IQCH: variants seen among roughly 807,000 people sequenced by gnomAD.
IQCH encodes the protein IQ motif containing H.
IQCH carries 98 observed loss-of-function variants against 117.0 expected under a neutral mutation model. The observed-to-expected ratio is 0.84, with a 90% confidence interval of 0.71 to 0.99. IQCH has a LOEUF of 0.99. Among genes scored for constraint, IQCH ranks in the 50% least tolerant of loss-of-function variants. The pLI, the probability that IQCH is intolerant of heterozygous loss-of-function variation, is 0.00. For synonymous variants in IQCH, 412 were observed against 448.2 expected, an observed-to-expected ratio of 0.92 and a Z score of 1.02; for missense variants, 1,102 against 1,243.8, an observed-to-expected ratio of 0.89 and a Z score of 1.72.
intron 1 of IQCH, 200 bp downstream of exon 1, chr15:67,255,147 A>T: frequency 1.6e-6 from 1 of 612,440 alleles, no homozygotes; most frequent in Non-Finnish European, 3.0e-6. Context: ...CCTGTAGGTT[A>T]CGCCCCAGAA....
intron 4 of IQCH, among the ~76,000 whole-genome samples, chr15:67,330,092 A>G (rs766895235): frequency 2.0e-5 from 3 of 151,908 alleles, no homozygotes; most frequent in Non-Finnish European, 4.4e-5. Context: ...TCCCACCATC[A>G]TGTCTTTATT....
chr15:67,451,461 C>A (rs997542298), intron 16 of IQCH, among the ~76,000 whole-genome samples: 15 of 152,070 alleles, frequency 9.9e-5, no homozygotes, highest in African/African-American at 3.6e-4. Context: ...ATCTTTATTT[C>A]TGCCTTCATT....
intron 10 of IQCH, among the ~76,000 whole-genome samples, chr15:67,374,693 G>T (rs1378651197): frequency 6.6e-6 from 1 of 152,150 alleles, no homozygotes; most frequent in Non-Finnish European, 1.5e-5. Flanking sequence ...GGATCTAAGT[G>T]AGGTATAGGA....
intron 16 of IQCH, among the ~76,000 whole-genome samples, chr15:67,444,313 G>A (rs1345213093): frequency 6.6e-6 from 1 of 152,198 alleles, no homozygotes; most frequent in African/African-American, 2.4e-5. Flanking sequence ...GAGTTTAAAT[G>A]TGCAGCCCAT....
intron 3 of IQCH, among the ~76,000 whole-genome samples, chr15:67,277,710 T>G (rs1418040519): frequency 2.0e-5 from 3 of 152,156 alleles, no homozygotes; most frequent in South Asian, 2.1e-4. Flanking sequence ...ATTTTTTGTA[T>G]TTTTAGTACA....
chr15:67,476,861 A>G lies in IQCH; in HGVS notation c.2799+1043A>G, dbSNP rs116763169. 5.8e-3 allele frequency among the ~76,000 whole-genome samples: 877 copies of G among 152,240 alleles called. 5 individuals carry two copies. Among genetic ancestry groups the G allele is most frequent in the African/African-American group, 0.018 (754 of 41,538 alleles). On this transcript the variant is annotated intron_variant, in intron 18 of 20. Transcript: ENST00000335894. The surrounding 1 kb of genome is among the most constrained non-coding windows in gnomAD (Gnocchi z 4.1). ...TACAGCACCTCAAACATCTTAAAAT[A>G]TATTCATCTCCCACATTAAATATAA... is the stretch of plus-strand genomic sequence containing the variant.
chr15:67,460,342 A>C (rs1054389066), intron 16 of IQCH, among the ~76,000 whole-genome samples: 1 of 152,184 alleles, frequency 6.6e-6, no homozygotes, highest in African/African-American at 2.4e-5. Flanking sequence ...TTATATTCTC[A>C]TCTAGTCTTT....
At position 67,443,406 on chromosome 15, in the gene IQCH, T is replaced by C. The variant is rs1407320244; in HGVS notation, c.2506-21721T>C. On this transcript the variant is annotated intron_variant, in intron 16 of 20. Coordinates refer to ENST00000335894, the MANE Select transcript of IQCH (RefSeq NM_001031715.3). The surrounding 1 kb of genome is among the most constrained non-coding windows in gnomAD (Gnocchi z 5.0). ...ATTCAAAGGCATAAGAATGATACAA[T>C]CGACTTTGGGGACTTGGGGGAAAGA... 6.6e-6 allele frequency among the ~76,000 whole-genome samples: 1 copy of C among 151,942 alleles called. No individual in the cohort carries two copies. The highest frequency in any genetic ancestry group is 1.9e-4 in the East Asian group (1 of 5,190).
chr15:67,497,012 G>A lies in IQCH; in HGVS notation c.2970+2646G>A, dbSNP rs1465635511. ...CGCAGTCCGGCCTGGGCGACAGAGC[G>A]AGACTCCGTCTCAAAAAAAAAAAAA... On this transcript the variant is annotated intron_variant, in intron 20 of 20. Coordinates refer to ENST00000335894, the MANE Select transcript of IQCH (RefSeq NM_001031715.3). 1.3e-4 allele frequency among the ~76,000 whole-genome samples: 16 copies of A among 125,616 alleles called. No homozygotes were observed. In the South Asian group the frequency reaches 1.9e-3, roughly 15 times the overall value. 82.4% of individuals were successfully genotyped at this position (125,616 alleles called of 152,430 possible).
intron 16 of IQCH, among the ~76,000 whole-genome samples, chr15:67,438,022 C>T (rs1051553529): frequency 2.6e-5 from 4 of 152,122 alleles, no homozygotes; most frequent in Non-Finnish European, 4.4e-5. Context: ...GAGACCTAGA[C>T]ATTCAAATAC....
chr15:67,377,710 C>A (rs1322893239), intron 10 of IQCH, among the ~76,000 whole-genome samples: 7 of 152,130 alleles, frequency 4.6e-5, no homozygotes, highest in Non-Finnish European at 1.0e-4. Context: ...CCACTGCCAG[C>A]CAATTAAACC....
At chr15:67,460,785 G>A (rs867381791) in intron 16 of IQCH, among the ~76,000 whole-genome samples, 7 of 152,200 alleles carry the variant, frequency 4.6e-5, no homozygotes, top group South Asian at 2.1e-4. Context: ...CACCACAGTC[G>A]CTCCATTTAT....
In IQCH at chr15:67,458,970, A is replaced by G. The variant is rs1221780791; in HGVS notation, c.2506-6157A>G. On this transcript the variant is annotated intron_variant, in intron 16 of 20. Transcript: ENST00000335894. The surrounding 1 kb of genome is among the most constrained non-coding windows in gnomAD (Gnocchi z 4.1). Reference sequence around the variant, plus strand: ...CCTGTCTTTTTAAAAATTTTCGGCAATATGATAAATATACACAATTCCCTG... The same window carrying G: ...CCTGTCTTTTTAAAAATTTTCGGCAGTATGATAAATATACACAATTCCCTG... 6.6e-6 allele frequency among the ~76,000 whole-genome samples: 1 copy of G among 152,224 alleles called. No individual in the cohort carries two copies. Among genetic ancestry groups the G allele is most frequent in the Non-Finnish European group, 1.5e-5 (1 of 68,042 alleles).
At chr15:67,448,455 A>G (rs1469904228) in intron 16 of IQCH, among the ~76,000 whole-genome samples, 3 of 137,340 alleles carry the variant, frequency 2.2e-5, no homozygotes, top group Non-Finnish European at 4.5e-5. Flanking sequence ...ATTCCCACCT[A>G]TGAGTGAGAA....
At chr15:67,323,691 G>A (rs1261023052) in intron 4 of IQCH, among the ~76,000 whole-genome samples, 1 of 151,676 alleles carries the variant, frequency 6.6e-6, no homozygotes, top group African/African-American at 2.4e-5. Context: ...AGTTAATATT[G>A]CACCAGTTCA....
intron 6 of IQCH, among the ~76,000 whole-genome samples, chr15:67,353,787 AT>A (rs2140724151): frequency 6.6e-6 from 1 of 152,346 alleles, no homozygotes; most frequent in South Asian, 2.1e-4. Flanking sequence ...ATACAGTAGA[AT>A]TTTTAAAAAA....
rs776111763 is a variant in IQCH, at chr15:67,400,491, C to CTTTTCTTTT, written c.2097+190_2097+191insCTTTTTTTT. 1.3e-4 allele frequency among the ~76,000 whole-genome samples: 15 copies of CTTTTCTTTT among 115,566 alleles called. 1 individual carries two copies. Among genetic ancestry groups the CTTTTCTTTT allele is most frequent in the Non-Finnish European group, 2.4e-4 (14 of 57,966 alleles). The allele number at this position is 115,566 out of a possible 152,430, so 75.8% of individuals were successfully genotyped here. A position where few individuals can be genotyped will look rare whatever the true frequency, so the allele number is the denominator to read the frequency against. ...TGGGATTGACTGAGTTCTTTTTTTT[C>CTTTTCTTTT]TTTTTTTTTTTGAGATGGGGCCTCA... On this transcript the variant is annotated intron_variant, in intron 14 of 20. Transcript: ENST00000335894.
Position 67,447,110 on chromosome 15 carries a change from C to G in IQCH, c.2506-18017C>G, listed in dbSNP as rs1649505368. Among the ~76,000 whole-genome samples the G allele has an allele frequency of 6.6e-6, 1 of 152,226 alleles. No homozygotes were observed. The highest frequency in any genetic ancestry group is 1.5e-5 in the Non-Finnish European group (1 of 68,042). On this transcript the variant is annotated intron_variant, in intron 16 of 20. Transcript: ENST00000335894. This position sits in a 1 kb window ranked among gnomAD's most constrained non-coding sequence, Gnocchi z 5.3. ...CTCGCCCTGCCGCTGAGCTGTGGAA[C>G]TTGGCACGTTCTTGGGTTCTTTGAG...
chr15:67,379,115 A>T (rs1161881558), intron 10 of IQCH, among the ~76,000 whole-genome samples: 2 of 152,238 alleles, frequency 1.3e-5, no homozygotes, highest in African/African-American at 4.8e-5. Flanking sequence ...ATTGTCTGAC[A>T]GGTCTGAAAA....
Sources: allele counts gnomAD v4.1 joint callset (sites outside exome capture counted in the v4.1 genomes callset), GRCh38; gene constraint gnomAD v4.1.1; non-coding constraint Gnocchi (gnomAD v3.1); transcripts MANE v1.5; gene names NCBI Gene and HGNC (gene_info 2026-07-23, HGNC 2026-07-21).